The following GOLGA6L9 variants were observed in gnomAD, a reference collection of about 807,000 sequenced individuals.
The protein encoded by GOLGA6L9 is golgin A6 family like 9.
In GOLGA6L9, 19 loss-of-function variants were observed where a neutral mutation model predicts 51.3. That is an observed-to-expected ratio of 0.37 (90% CI 0.26 to 0.54). The LOEUF (loss-of-function observed/expected upper bound fraction) is 0.54, where lower values mean the gene tolerates loss of function less well. Among genes scored for constraint, GOLGA6L9 ranks in the 20% least tolerant of loss-of-function variants. GOLGA6L9 has a pLI of 0.83. For missense variants in GOLGA6L9, 247 were observed against 464.1 expected, an observed-to-expected ratio of 0.53 and a Z score of 4.30; for synonymous variants, 97 against 184.2, an observed-to-expected ratio of 0.53 and a Z score of 3.83.
Position 82,438,078 on chromosome 15 carries a change from G to C in GOLGA6L9, c.*1667G>C, listed in dbSNP as rs1420175331. ...ATTTTAAACCCTCAGGCTAGAAATCGTACCACTGTTAATTAGCCACATTAT... is the reference window on the plus strand; with the variant it reads ...ATTTTAAACCCTCAGGCTAGAAATCCTACCACTGTTAATTAGCCACATTAT... On this transcript the variant is annotated 3_prime_UTR_variant, in exon 9 of 9. Coordinates refer to ENST00000618348, the MANE Select transcript of GOLGA6L9 (RefSeq NM_198181.4). 1 of 149,820 alleles carries C rather than the reference G, an allele frequency of 6.7e-6. No individual in the cohort carries two copies. The highest frequency in any genetic ancestry group is 2.5e-5 in the African/African-American group (1 of 40,480). 9.3% of individuals were successfully genotyped at this position (149,820 alleles called of 1,614,324 possible).
At chr15:82,433,135 A>G (rs1379627196) in intron 4 of GOLGA6L9, among the ~76,000 whole-genome samples, 4 of 151,034 alleles carry the variant, frequency 2.6e-5, no homozygotes, top group African/African-American at 9.7e-5. Context: ...CTTGCCACAC[A>G]TGCCCTGGGG....
In GOLGA6L9 at chr15:82,436,481, C is replaced by A. The variant is rs2031681681; in HGVS notation, c.*70C>A. On this transcript the variant is annotated 3_prime_UTR_variant, in exon 9 of 9. Transcript: ENST00000618348. ...GTTAATATCCTACACAATTCATTTA[C>A]TTCATTTGAATGTTAGAGCCACTTA... 4 of 1,537,396 alleles carry A rather than the reference C, an allele frequency of 2.6e-6. No individual in the cohort carries two copies. The African/African-American group carries it at 5.5e-5, about 21-fold the overall frequency.
At chr15:82,418,445 T>G in the GOLGA6L9 span, among the ~76,000 whole-genome samples, 3 of 152,242 alleles carry the variant, frequency 2.0e-5, no homozygotes, top group Non-Finnish European at 4.4e-5. Context: ...CTTTTGTGCT[T>G]TCAAAATTAC....
Position 82,436,660 on chromosome 15 carries a change from G to A in GOLGA6L9, c.*249G>A. 6.4e-6 allele frequency: 2 copies of A among 311,006 alleles called. No homozygotes were observed. 19.3% of individuals were successfully genotyped at this position (311,006 alleles called of 1,614,324 possible). A position where few individuals can be genotyped will look rare whatever the true frequency, so the allele number is the denominator to read the frequency against. On this transcript the variant is annotated 3_prime_UTR_variant, in exon 9 of 9. Coordinates refer to ENST00000618348, the MANE Select transcript of GOLGA6L9 (RefSeq NM_198181.4). ...TCTAATTTATAATTTAAATTTATTTGTAAAAAGTTAAATGAGAGTGGGTCT... is the reference window on the plus strand; with the variant it reads ...TCTAATTTATAATTTAAATTTATTTATAAAAAGTTAAATGAGAGTGGGTCT...
intron 2 of GOLGA6L9, 47 bp downstream of exon 2, chr15:82,431,996 C>T: frequency 7.6e-7 from 1 of 1,323,212 alleles, no homozygotes; most frequent in Non-Finnish European, 1.0e-6. Flanking sequence ...GCCCAAGGGG[C>T]AGTAGAGGGT....
upstream of GOLGA6L9, among the ~76,000 whole-genome samples, chr15:82,429,454 G>A (rs1234269763): frequency 6.6e-6 from 1 of 152,092 alleles, no homozygotes; most frequent in African/African-American, 2.4e-5. Flanking sequence ...AGGAGAATAA[G>A]ACAAACATTT....
Position 82,434,197 on chromosome 15 carries a change from G to A in GOLGA6L9, c.597G>A (p.Glu199=). Reference sequence around the variant, plus strand: ...GTCTCCTGAACAGGAGACAGGAGGAGAGGCTACGTGAACAGGAGGAGAGGC... The same window carrying A: ...GTCTCCTGAACAGGAGACAGGAGGAAAGGCTACGTGAACAGGAGGAGAGGC... ...MLSLLNRRQE[E]RLREQEERLR... Residue 199 remains glutamate, a synonymous_variant, in exon 6 of 9, where the codon GAG becomes GAA. Coordinates refer to ENST00000618348, the MANE Select transcript of GOLGA6L9 (RefSeq NM_198181.4). 6.4e-7 allele frequency: 1 copy of A among 1,554,892 alleles called. No individual in the cohort carries two copies. The highest frequency in any genetic ancestry group is 8.6e-7 in the Non-Finnish European group (1 of 1,157,790).
At chr15:82,433,770 G>A (rs1390860520) in intron 5 of GOLGA6L9, 121 bp downstream of exon 5, 1 of 577,134 alleles carries the variant, frequency 1.7e-6, no homozygotes, top group Non-Finnish European at 2.9e-6. Flanking sequence ...AAAGAGGTCT[G>A]TGCCAGGGGA....
chr15:82,420,748 CA>C, the GOLGA6L9 span, among the ~76,000 whole-genome samples: 6 of 152,100 alleles, frequency 3.9e-5, no homozygotes, highest in Non-Finnish European at 7.3e-5. Flanking sequence ...GTTCAGTTAA[CA>C]TGAAATGCAG....
Position 82,429,883 on chromosome 15 carries a change from G to T in GOLGA6L9, c.-197G>T, listed in dbSNP as rs2031347157. On this transcript the variant is annotated 5_prime_UTR_variant, in exon 1 of 9. Coordinates refer to ENST00000618348, the MANE Select transcript of GOLGA6L9 (RefSeq NM_198181.4). ...GGCAGCTTTCCTTATGATGCTACAG[G>T]TCCCTCTGGACATGCTGCGCCTGGC... is the stretch of plus-strand genomic sequence containing the variant. 1.3e-6 allele frequency: 1 copy of T among 753,118 alleles called. No individual in the cohort carries two copies. The highest frequency in any genetic ancestry group is 1.8e-5 in the Admixed American group (1 of 54,726). 46.7% of individuals were successfully genotyped at this position (753,118 alleles called of 1,614,324 possible).
chr15:82,432,493 T>C lies in GOLGA6L9; in HGVS notation c.205-79T>C. On this transcript the variant is annotated intron_variant, in intron 2 of 8. Coordinates refer to ENST00000618348, the MANE Select transcript of GOLGA6L9 (RefSeq NM_198181.4). Reference sequence around the variant, plus strand: ...CAGAAAAGAAGCTTTTGCCAGTTGATGGGGGAAGAAAGGAAGTCAGAGGGC... The same window carrying C: ...CAGAAAAGAAGCTTTTGCCAGTTGACGGGGGAAGAAAGGAAGTCAGAGGGC... 1.3e-6 allele frequency: 2 copies of C among 1,559,514 alleles called. 1 individual carries two copies. Among genetic ancestry groups the C allele is most frequent in the Middle Eastern group, 4.5e-4 (2 of 4,494 alleles).
upstream of GOLGA6L9, among the ~76,000 whole-genome samples, chr15:82,427,238 T>G: frequency 6.8e-6 from 1 of 147,698 alleles, no homozygotes; most frequent in African/African-American, 2.5e-5. Flanking sequence ...TTCTTCTTCT[T>G]CCTTCCTTGC....
upstream of GOLGA6L9, among the ~76,000 whole-genome samples, chr15:82,427,153 G>A (rs1468581448): frequency 6.6e-6 from 1 of 151,654 alleles, no homozygotes; most frequent in Non-Finnish European, 1.5e-5. Flanking sequence ...CTCCCAGTAA[G>A]TAATTTGTCA....
At chr15:82,425,829 GCTA>G (rs1337075589), upstream of GOLGA6L9, among the ~76,000 whole-genome samples, 1 of 144,574 alleles carries the variant, frequency 6.9e-6, no homozygotes, top group African/African-American at 2.6e-5. Flanking sequence ...TGTATGGTAT[GCTA>G]CTTTTTGTGT....
At chr15:82,429,022 G>A (rs1365302672), upstream of GOLGA6L9, among the ~76,000 whole-genome samples, 1 of 152,162 alleles carries the variant, frequency 6.6e-6, no homozygotes, top group Non-Finnish European at 1.5e-5. Context: ...AGAGCTTTAA[G>A]TGCTTATTAA....
chr15:82,416,285 T>C, the GOLGA6L9 span, among the ~76,000 whole-genome samples: 1 of 152,202 alleles, frequency 6.6e-6, no homozygotes, highest in Non-Finnish European at 1.5e-5. Flanking sequence ...GCTGATGTAA[T>C]ATTTTGTACT....
At position 82,436,651 on chromosome 15, in the gene GOLGA6L9, A is replaced by T. The variant is rs2031700473; in HGVS notation, c.*240A>T. On this transcript the variant is annotated 3_prime_UTR_variant, in exon 9 of 9. Coordinates refer to ENST00000618348, the MANE Select transcript of GOLGA6L9 (RefSeq NM_198181.4). ...ATTTTTGTTTCTAATTTATAATTTA[A>T]ATTTATTTGTAAAAAGTTAAATGAG... 1 of 341,224 alleles carries T rather than the reference A, an allele frequency of 2.9e-6. No individual in the cohort carries two copies. Among genetic ancestry groups the T allele is most frequent in the Non-Finnish European group, 4.9e-6 (1 of 202,774 alleles). The allele number at this position is 341,224 out of a possible 1,614,324, so 21.1% of individuals were successfully genotyped here.
chr15:82,417,033 G>A, the GOLGA6L9 span, among the ~76,000 whole-genome samples: 3 of 152,076 alleles, frequency 2.0e-5, no homozygotes, highest in Admixed American at 6.6e-5. Context: ...TGATCCTGGC[G>A]ACCTCTGATC....
upstream of GOLGA6L9, among the ~76,000 whole-genome samples, chr15:82,429,518 C>T: frequency 6.6e-6 from 1 of 152,190 alleles, no homozygotes; most frequent in Non-Finnish European, 1.5e-5. Flanking sequence ...ATGTCGGATA[C>T]TATAGTCAGC....
Sources: allele counts gnomAD v4.1 joint callset (sites outside exome capture counted in the v4.1 genomes callset), GRCh38; gene constraint gnomAD v4.1.1; transcripts MANE v1.5; gene names NCBI Gene and HGNC (gene_info 2026-07-23, HGNC 2026-07-21).